C3: variants seen among roughly 807,000 people sequenced by gnomAD.
C3 encodes C3 and PZP-like alpha-2-macroglobulin domain-containing protein 1.
A neutral mutation model predicts 207.9 loss-of-function variants in C3; 97 were observed. The ratio of observed to expected loss-of-function variants is 0.47; its 90% confidence interval spans 0.40 to 0.55. C3 has a LOEUF of 0.55. C3 is among the 20% of genes least tolerant of loss of function. The pLI is 0.00. For synonymous variants in C3, 848 were observed against 857.6 expected, an observed-to-expected ratio of 0.99 and a Z score of 0.20; for missense variants, 1,684 against 2,171.7, an observed-to-expected ratio of 0.78 and a Z score of 4.46.
rs1468698925 is a variant in C3, at chr19:6,693,050, C to T, written c.3264G>A (p.Leu1088=). 6.2e-7 allele frequency: 1 copy of T among 1,614,154 alleles called. No homozygotes were observed. Among genetic ancestry groups the T allele is most frequent in the South Asian group, 1.1e-5 (1 of 91,080 alleles). ...LTAYVVKVFS[L]AVNLIAIDSQ... ...AGTCGATGGCGATGAGGTTGACAGC[C>T]AGAGAGAAGACCTTGACCACGTAGG... Residue 1088 remains leucine (L), a synonymous_variant, in exon 26 of 41, where the codon CTG becomes CTA. Coordinates refer to ENST00000245907, the MANE Select transcript of C3 (RefSeq NM_000064.4).
chr19:6,678,193 G>C lies in C3; in HGVS notation c.4809C>G (p.Leu1603=). The change falls in exon 40 of 41, where the codon CTC becomes CTG. Residue 1603 remains leucine, a synonymous_variant. Transcript: ENST00000245907. ...ALKLEEKKHY[L]MWGLSSDFWG... ...AGAAATCGGAGGAGAGACCCCACAT[G>C]AGGTAGTGTTTCTTCTCCTCCAGCT... 6.2e-7 allele frequency: 1 copy of C among 1,614,234 alleles called. No homozygotes were observed. The highest frequency in any genetic ancestry group is 8.5e-7 in the Non-Finnish European group (1 of 1,180,050).
At chr19:6,697,061 T>TAAAAAAAAAA (rs1344751717) in intron 21 of C3, among the ~76,000 whole-genome samples, 1 of 76,586 alleles carries the variant, frequency 1.3e-5, no homozygotes, top group Admixed American at 1.6e-4. Context: ...AACAAACAAA[T>TAAAAAAAAAA]AAATAAATAA....
rs547546258 is a variant in C3 at position 6,708,580 on chromosome 19, TTTCC to T, written c.1846-655_1846-652del. Among the ~76,000 whole-genome samples, 178 of 149,910 alleles carry T rather than the reference TTTCC, an allele frequency of 1.2e-3. 3 individuals are homozygous for T. The highest frequency in any genetic ancestry group is 8.3e-3 in the South Asian group (39 of 4,674). On this transcript the variant is annotated intron_variant, in intron 14 of 40. Coordinates refer to ENST00000245907, the MANE Select transcript of C3 (RefSeq NM_000064.4). ...CCTTCCCTCCTTCCTTCCTTCCTTCTTTCCTTCCTTCATTCTTCACTCCCTCCCT... is the reference window on the plus strand; with the variant it reads ...CCTTCCCTCCTTCCTTCCTTCCTTCTTTCCTTCATTCTTCACTCCCTCCCT...
chr19:6,712,152 A>G, intron 11 of C3, 105 bp downstream of exon 11: 1 of 1,430,542 alleles, frequency 7.0e-7, no homozygotes, highest in East Asian at 2.3e-5. Flanking sequence ...CTCTCTATGC[A>G]GATGAGAATA....
intron 10 of C3, 45 bp from the exon 11 acceptor site, chr19:6,712,451 G>A (rs1485568456): frequency 6.2e-7 from 1 of 1,614,170 alleles, no homozygotes; most frequent in Non-Finnish European, 8.5e-7. Context: ...CAGGCTCAGG[G>A]CTGTGGCCGG....
At position 6,712,287 on chromosome 19, in the gene C3, T is replaced by G; in HGVS notation, c.1239A>C (p.Thr413=). ...TGCTCAAGGGCTTCTGGCTGGGGTG[T>G]GTGTTGATGCTGAGTTTGGCCACGC... is the stretch of plus-strand genomic sequence containing the variant. ...GDGVAKLSIN[T]HPSQKPLSIT... The change falls in exon 11 of 41, where the codon ACA becomes ACC. Residue 413 remains threonine, a synonymous_variant. Coordinates refer to ENST00000245907, the MANE Select transcript of C3 (RefSeq NM_000064.4). 2 of 1,613,936 alleles carry G rather than the reference T, an allele frequency of 1.2e-6. No individual in the cohort carries two copies. The highest frequency in any genetic ancestry group is 2.2e-5 in the South Asian group (2 of 91,068).
In C3 at chr19:6,720,559, G is replaced by A; in HGVS notation, c.31C>T (p.Leu11Phe). The A allele has an allele frequency of 1.3e-5, 20 of 1,590,570 alleles. No homozygotes were observed. Among genetic ancestry groups the A allele is most frequent in the Non-Finnish European group, 1.7e-5 (20 of 1,168,296 alleles). Residue 11 changes from leucine to phenylalanine, a missense_variant, in exon 1 of 41, where the codon CTC becomes TTC. By Grantham distance (22) the Leu-to-Phe change is conservative (BLOSUM62 0). Coordinates refer to ENST00000245907, the MANE Select transcript of C3 (RefSeq NM_000064.4). MGPTSGPSLL[L>F]LLLTHLPLAL... is the part of the protein sequence containing the mutation. ...AGGGGGAGGTGGGTTAGTAGCAGGA[G>A]CAGCAGGCTGGGACCTGAGGTGGGT... is the stretch of plus-strand genomic sequence containing the variant.
In C3 at chr19:6,710,813, T is replaced by C; in HGVS notation, c.1512A>G (p.Gly504=). ...IMNKGRLLKA[G]RQVREPGQDL... is the part of the protein sequence containing the mutation. ...CCTGGCCGGGCTCTCGCACCTGGCGTCCCGCCTTCAACAGCCTGCCCTTGT... is the reference window on the plus strand; with the variant it reads ...CCTGGCCGGGCTCTCGCACCTGGCGCCCCGCCTTCAACAGCCTGCCCTTGT... Residue 504 remains glycine, a synonymous_variant, in exon 13 of 41, where the codon GGA becomes GGG. Coordinates refer to ENST00000245907, the MANE Select transcript of C3 (RefSeq NM_000064.4). 3 of 1,613,862 alleles carry C rather than the reference T, an allele frequency of 1.9e-6. No individual in the cohort carries two copies. In the South Asian group the frequency reaches 3.3e-5, roughly 18 times the overall value.
At position 6,702,320 on chromosome 19, in the gene C3, G is replaced by A. The variant is rs1323067059; in HGVS notation, c.2355-108C>T. 5 of 943,078 alleles carry A rather than the reference G, an allele frequency of 5.3e-6. No individual in the cohort carries two copies. The Admixed American group carries it at 7.3e-5, about 14-fold the overall frequency. The allele number at this position is 943,078 out of a possible 1,614,324, so 58.4% of individuals were successfully genotyped here. ...AGGGACAGGCTGGAAGGGTCTGGGG[G>A]TGCCTCCATGTAGGTCACCCAATTC... On this transcript the variant is annotated intron_variant, in intron 18 of 40. Transcript: ENST00000245907.
chr19:6,689,217 G>A (rs756506296), intron 27 of C3, among the ~76,000 whole-genome samples: 1 of 151,988 alleles, frequency 6.6e-6, no homozygotes. Context: ...CCAATTTACA[G>A]ATGCACATCC....
rs771707355 is a variant in C3, at chr19:6,714,442, G to A, written c.509C>T (p.Pro170Leu). Residue 170 changes from proline (P) to leucine (L), a missense_variant, in exon 5 of 41, where the codon CCG becomes CTG. This residue lies in a region of C3 where 1,280 missense variants were observed against 1,739.1 expected (regional missense o/e 0.74). Coordinates refer to ENST00000245907, the MANE Select transcript of C3 (RefSeq NM_000064.4). The stretch of plus-strand genomic sequence containing the variant: ...GTCCTGCTTGACCGGGATGCCTTCC[G>A]GGTTCTGTGGGAGGCAGGAGGGAAG... ...GRTVMVNIEN[P>L]EGIPVKQDSL... The A allele has an allele frequency of 3.7e-6, 6 of 1,612,040 alleles. No homozygotes were observed. Among genetic ancestry groups the A allele is most frequent in the South Asian group, 1.1e-5 (1 of 91,036 alleles).
At chr19:6,698,939 C>A (rs1967593999) in intron 19 of C3, among the ~76,000 whole-genome samples, 1 of 151,884 alleles carries the variant, frequency 6.6e-6, no homozygotes, top group Non-Finnish European at 1.5e-5. Flanking sequence ...GGATTACAGG[C>A]ACCCACCCGC....
At position 6,692,923 on chromosome 19, in the gene C3, C is replaced by A; in HGVS notation, c.3390+1G>T. ...TTTTGCCCTAAATCCCAGCCTCTTA[C>A]AATCATTTCTTGGTGTATCACGGGC... On this transcript the variant is annotated splice_donor_variant, in intron 26 of 40. Transcript: ENST00000245907. LOFTEE classifies it high-confidence loss of function. 6.2e-7 allele frequency: 1 copy of A among 1,613,908 alleles called. No homozygotes were observed. The highest frequency in any genetic ancestry group is 8.5e-7 in the Non-Finnish European group (1 of 1,179,992).
intron 18 of C3, 70 bp downstream of exon 18, chr19:6,702,401 G>A (rs1173816812): frequency 4.6e-6 from 5 of 1,096,002 alleles, no homozygotes; most frequent in Non-Finnish European, 7.1e-6. Context: ...GAAGACCAGA[G>A]ATAGCAGGTG....
Position 6,713,319 on chromosome 19 carries a change from A to C in C3, c.877-4T>G. ...CCTCCCCCGAGCCATCCTCAATCTGAGAAGGGAGAGGAGGGCTCAGAGAGG... is the reference window on the plus strand; with the variant it reads ...CCTCCCCCGAGCCATCCTCAATCTGCGAAGGGAGAGGAGGGCTCAGAGAGG... On this transcript the variant is annotated splice_polypyrimidine_tract_variant and splice_region_variant and intron_variant, in intron 8 of 40. Transcript: ENST00000245907. 1.2e-6 allele frequency: 2 copies of C among 1,613,748 alleles called. No homozygotes were observed. Among genetic ancestry groups the C allele is most frequent in the Non-Finnish European group, 1.7e-6 (2 of 1,179,976 alleles).
chr19:6,695,887 G>C (rs903234189), intron 23 of C3, among the ~76,000 whole-genome samples: 1 of 151,990 alleles, frequency 6.6e-6, no homozygotes, highest in African/African-American at 2.4e-5. Context: ...CTATAAAACC[G>C]ATCATAGCAA....
In C3 at chr19:6,684,596, C is replaced by T. The variant is rs368788004; in HGVS notation, c.4084G>A (p.Asp1362Asn). 99 of 1,613,820 alleles carry T rather than the reference C, an allele frequency of 6.1e-5. No individual in the cohort carries two copies. Among genetic ancestry groups the T allele is most frequent in the African/African-American group, 1.6e-4 (12 of 74,840 alleles). Residue 1362 changes from aspartate to asparagine, a missense_variant, in exon 32 of 41, where the codon GAC (aspartate) becomes AAC (asparagine). Asp to Asn is a conservative substitution (Grantham distance 23, BLOSUM62 1). Transcript: ENST00000245907. ...GCTGGTTTTATGGTGACCTTGAGGT[C>T]GAATTTATTACAGGTGAGTTGATCT... The part of the protein sequence containing the change: ...AKDQLTCNKF[D>N]LKVTIKPAPE...
In C3 at chr19:6,713,408, G is replaced by T; in HGVS notation, c.875C>A (p.Pro292Gln). The T allele has an allele frequency of 6.2e-7, 1 of 1,613,812 alleles. No individual in the cohort carries two copies. The highest frequency in any genetic ancestry group is 1.1e-5 in the South Asian group (1 of 91,080). ...CAAAGCGGCCTCCGTCTATGGTACC[G>T]GAATGCGCTTGAGGGATTCAGGCAG... is the stretch of plus-strand genomic sequence containing the variant. ...ISLPESLKRI[P>Q]IEDGSGEVVL... Residue 292 changes from proline (P) to glutamine (Q), a missense_variant and splice_region_variant, in exon 8 of 41, where the codon CCG (proline) becomes CAG (glutamine). Transcript: ENST00000245907.
rs1198847201 is a variant in C3 at position 6,700,600 on chromosome 19, ATATAT to A, written c.2440+1522_2440+1526del. On this transcript the variant is annotated intron_variant, in intron 19 of 40. Coordinates refer to ENST00000245907, the MANE Select transcript of C3 (RefSeq NM_000064.4). Reference sequence around the variant, plus strand: ...TTATATATGTAATATATAATATATGATATATTATATATGTAATATATAATATATGA... The same window carrying A: ...TTATATATGTAATATATAATATATGATATATATGTAATATATAATATATGA... Among the ~76,000 whole-genome samples the A allele has an allele frequency of 1.1e-3, 58 of 50,660 alleles. 10 individuals carry two copies. The highest frequency in any genetic ancestry group is 6.1e-3 in the African/African-American group (57 of 9,330). 33.2% of individuals were successfully genotyped at this position (50,660 alleles called of 152,430 possible).
Sources: allele counts gnomAD v4.1 joint callset (sites outside exome capture counted in the v4.1 genomes callset), GRCh38; gene constraint gnomAD v4.1.1; regional missense constraint gnomAD v4.1.1; transcripts MANE v1.5; gene names NCBI Gene and HGNC (gene_info 2026-07-23, HGNC 2026-07-21).